B4GALT1: variants seen among roughly 807,000 people sequenced by gnomAD.
B4GALT1 encodes the protein beta-1,4-galactosyltransferase 1.
A neutral mutation model predicts 34.9 loss-of-function variants in B4GALT1; 16 were observed. The observed-to-expected ratio is 0.46, with a 90% CI of 0.31 to 0.70. The LOEUF (loss-of-function observed/expected upper bound fraction) is 0.70. Ranked by LOEUF, B4GALT1 falls within the 30% of genes least tolerant of loss-of-function variation. B4GALT1 has a pLI of 0.05. For synonymous variants in B4GALT1, 221 were observed against 218.1 expected (o/e 1.01, Z -0.12); for missense variants, 445 against 530.5 (o/e 0.84, Z 1.58).
At chr9:33,132,046 A>G (rs12554995) in intron 2 of B4GALT1, among the ~76,000 whole-genome samples, 56,314 of 151,828 alleles carry the variant, frequency 0.37, 11,165 homozygotes, top group East Asian at 0.59. Flanking sequence ...GAGAAAAAGC[A>G]GAAAAGATTC....
chr9:33,131,382 G>A (rs1840191923), intron 2 of B4GALT1, among the ~76,000 whole-genome samples: 1 of 152,220 alleles, frequency 6.6e-6, no homozygotes, highest in Non-Finnish European at 1.5e-5. Context: ...GGAAGCCAAG[G>A]AAGTGGAAAT....
chr9:33,149,583 C>A (rs1024319599), intron 1 of B4GALT1, among the ~76,000 whole-genome samples: 1 of 152,108 alleles, frequency 6.6e-6, no homozygotes, highest in Non-Finnish European at 1.5e-5. Context: ...CTACGCCCGG[C>A]CAGATAGTTT....
At chr9:33,163,133 C>G (rs1264910504) in intron 1 of B4GALT1, among the ~76,000 whole-genome samples, 1 of 152,172 alleles carries the variant, frequency 6.6e-6, no homozygotes, top group Non-Finnish European at 1.5e-5. Context: ...TCAAAGTACA[C>G]TCTGTCCTGG....
chr9:33,171,121 T>C (rs113100957), upstream of B4GALT1, among the ~76,000 whole-genome samples: 2 of 152,382 alleles, frequency 1.3e-5, no homozygotes, highest in African/African-American at 4.8e-5. Context: ...GACAGTTATT[T>C]CAGTCATCTA....
At chr9:33,184,253 T>TAGACACACAC in the B4GALT1 span, among the ~76,000 whole-genome samples, 73 of 147,232 alleles carry the variant, frequency 5.0e-4, no homozygotes, top group African/African-American at 1.6e-3. Flanking sequence ...GTCACTCTTG[T>TAGACACACAC]ACACACACAC....
chr9:33,119,973 C>A (rs755538547), intron 3 of B4GALT1, among the ~76,000 whole-genome samples: 9 of 152,116 alleles, frequency 5.9e-5, no homozygotes, highest in Non-Finnish European at 1.2e-4. Context: ...TGCTTGAGCT[C>A]AGGAGTTCGA....
chr9:33,106,105 C>A (rs1839794836), downstream of B4GALT1, among the ~76,000 whole-genome samples: 1 of 152,150 alleles, frequency 6.6e-6, no homozygotes, highest in African/African-American at 2.4e-5. Context: ...CCAATTTCTT[C>A]TTTTCTTTTA....
rs143908508 is a variant in B4GALT1 at position 33,133,835 on chromosome 9, C to T, written c.648+1354G>A. 6.6e-3 allele frequency among the ~76,000 whole-genome samples: 1,007 copies of T among 152,310 alleles called. 16 individuals carry two copies. Among genetic ancestry groups the T allele is most frequent in the African/African-American group, 0.023 (953 of 41,568 alleles). On this transcript the variant is annotated intron_variant, in intron 2 of 5. Coordinates refer to ENST00000379731, the MANE Select transcript of B4GALT1 (RefSeq NM_001497.4). ...CTGGTCCCAGAGCTTCTGGTGCTTT[C>T]CTACCCCAGTGGGCATCTCAATTTC...
At chr9:33,128,713 T>C (rs1247112628) in intron 2 of B4GALT1, among the ~76,000 whole-genome samples, 1 of 151,862 alleles carries the variant, frequency 6.6e-6, no homozygotes, top group East Asian at 1.9e-4. Context: ...ACAGCTGAGG[T>C]AGAAAATGGA....
chr9:33,156,370 G>T (rs955266769), intron 1 of B4GALT1, among the ~76,000 whole-genome samples: 82 of 152,306 alleles, frequency 5.4e-4, no homozygotes, highest in Non-Finnish European at 8.7e-4. Context: ...CTGACCTCAG[G>T]TGATCCACCC....
chr9:33,132,697 G>A (rs112079069), intron 2 of B4GALT1, among the ~76,000 whole-genome samples: 4 of 152,234 alleles, frequency 2.6e-5, no homozygotes, highest in Non-Finnish European at 5.9e-5. Context: ...TTGTATCATA[G>A]GAATTTAAGC....
chr9:33,104,898 C>G (rs144401616), intron 2 of B4GALT1: 3 of 373,868 alleles, frequency 8.0e-6, no homozygotes, highest in African/African-American at 6.5e-5. Context: ...AAATGAACTG[C>G]AACTTCCACC....
At chr9:33,130,879 A>AGAAGCAGGCAGAG (rs72362628) in intron 2 of B4GALT1, among the ~76,000 whole-genome samples, 16 of 151,250 alleles carry the variant, frequency 1.1e-4, no homozygotes, top group African/African-American at 3.1e-4. Flanking sequence ...TCACCACCAC[A>AGAAGCAGGCAGAG]GAAGCAGGCA....
chr9:33,175,020 T>TATATATATAAAAAA, the B4GALT1 span, among the ~76,000 whole-genome samples: 1 of 39,064 alleles, frequency 2.6e-5, no homozygotes, highest in Non-Finnish European at 5.6e-5. Flanking sequence ...TATATATATA[T>TATATATATAAAAAA]AAAATTGGAG....
upstream of B4GALT1, among the ~76,000 whole-genome samples, chr9:33,171,978 TA>T (rs1188825493): frequency 1.3e-5 from 2 of 152,208 alleles, no homozygotes; most frequent in African/African-American, 4.8e-5. Context: ...AGTGTCTTCT[TA>T]AAATCCCCCA....
upstream of B4GALT1, among the ~76,000 whole-genome samples, chr9:33,168,016 G>A (rs1289726872): frequency 6.6e-6 from 1 of 152,230 alleles, no homozygotes; most frequent in Admixed American, 6.5e-5. Flanking sequence ...AGATGTGTGT[G>A]TGGCGGGAGT....
At position 33,111,276 on chromosome 9, in the gene B4GALT1, A is replaced by AAAAAAAAAAAAAAAAAAAAAAAAAC. The variant is rs1564033760; in HGVS notation, c.*2177_*2178insGTTTTTTTTTTTTTTTTTTTTTTTT. 9.4e-6 allele frequency: 1 copy of AAAAAAAAAAAAAAAAAAAAAAAAAC among 106,018 alleles called. No homozygotes were observed. The highest frequency in any genetic ancestry group is 2.0e-5 in the Non-Finnish European group (1 of 49,224). The allele number at this position is 106,018 out of a possible 1,614,324, so 6.6% of individuals were successfully genotyped here. A position where few individuals can be genotyped will look rare whatever the true frequency, so the allele number is the denominator to read the frequency against. ...AAAAAAAAAAAAAAAAAAAAAAAAA[A>AAAAAAAAAAAAAAAAAAAAAAAAAC]AACAACAAGAAAAGGTAGAGTTTGG... On this transcript the variant is annotated 3_prime_UTR_variant, in exon 6 of 6. Coordinates refer to ENST00000379731, the MANE Select transcript of B4GALT1 (RefSeq NM_001497.4).
At position 33,111,262 on chromosome 9, in the gene B4GALT1, A is replaced by C. The variant is rs889269349; in HGVS notation, c.*2192T>G. ...ATGAGAAGGTAACCAAAAAAAAAAAAAAAAAAAAAAAAAAAACAACAAGAA... is the reference window on the plus strand; with the variant it reads ...ATGAGAAGGTAACCAAAAAAAAAAACAAAAAAAAAAAAAAAACAACAAGAA... On this transcript the variant is annotated 3_prime_UTR_variant, in exon 6 of 6. Coordinates refer to ENST00000379731, the MANE Select transcript of B4GALT1 (RefSeq NM_001497.4). 3 of 149,764 alleles carry C rather than the reference A, an allele frequency of 2.0e-5. No individual in the cohort carries two copies. The highest frequency in any genetic ancestry group is 7.4e-5 in the African/African-American group (3 of 40,754). The allele number at this position is 149,764 out of a possible 1,614,324, so 9.3% of individuals were successfully genotyped here.
chr9:33,128,566 G>A (rs1001974223), intron 2 of B4GALT1, among the ~76,000 whole-genome samples: 9 of 152,234 alleles, frequency 5.9e-5, no homozygotes, highest in African/African-American at 2.2e-4. Context: ...ACACTCCCTG[G>A]CCTTCCCACT....
Sources: allele counts gnomAD v4.1 joint callset (sites outside exome capture counted in the v4.1 genomes callset), GRCh38; gene constraint gnomAD v4.1.1; transcripts MANE v1.5; gene names NCBI Gene and HGNC (gene_info 2026-07-23, HGNC 2026-07-21).